The following NALF1 variants were observed in gnomAD, a reference collection of about 807,000 sequenced individuals.
The protein encoded by NALF1 is family with sequence similarity 155 member A.
In NALF1, 3 loss-of-function variants were observed where a neutral mutation model predicts 48.4. The observed-to-expected ratio is 0.06, with a 90% confidence interval of 0.03 to 0.16. The LOEUF (loss-of-function observed/expected upper bound fraction) is 0.16, where lower values mean the gene tolerates loss of function less well. Ranked by LOEUF, NALF1 falls within the 10% of genes least tolerant of loss-of-function variation. The pLI is 1.00. For synonymous variants in NALF1, 262 were observed against 245.7 expected (o/e 1.07, Z -0.62); for missense variants, 526 against 571.5 (o/e 0.92, Z 0.81).
intron 1 of NALF1, among the ~76,000 whole-genome samples, chr13:107,739,198 T>C (rs941111345): frequency 3.3e-5 from 5 of 151,774 alleles, no homozygotes; most frequent in Non-Finnish European, 5.9e-5. Context: ...TCGAGACAAA[T>C]ATCTAAGGTA....
intron 1 of NALF1, among the ~76,000 whole-genome samples, chr13:107,484,180 A>G (rs1344992270): frequency 6.6e-6 from 1 of 152,088 alleles, no homozygotes; most frequent in African/African-American, 2.4e-5. Flanking sequence ...TGGTAATTGA[A>G]ATAAATAAAA....
intron 1 of NALF1, among the ~76,000 whole-genome samples, chr13:107,605,816 A>T (rs1879051456): frequency 6.6e-6 from 1 of 152,228 alleles, no homozygotes; most frequent in Non-Finnish European, 1.5e-5. Context: ...TTAGTTGAAG[A>T]AAACATTTGT....
intron 2 of NALF1, among the ~76,000 whole-genome samples, chr13:107,181,801 A>G (rs1054476921): frequency 7.9e-5 from 12 of 152,094 alleles, no homozygotes; most frequent in African/African-American, 2.9e-4. Flanking sequence ...TTCACTAGAC[A>G]TTCATCACTA....
chr13:107,647,774 C>T (rs914649146), intron 1 of NALF1, among the ~76,000 whole-genome samples: 3 of 151,904 alleles, frequency 2.0e-5, no homozygotes, highest in African/African-American at 7.3e-5. Flanking sequence ...GTATAGTAAA[C>T]ATTACATAAT....
chr13:107,827,666 T>C (rs1021328545), intron 1 of NALF1, among the ~76,000 whole-genome samples: 2 of 152,338 alleles, frequency 1.3e-5, no homozygotes, highest in Non-Finnish European at 2.9e-5. Flanking sequence ...TTTATATTTG[T>C]TTGTTAATAT....
chr13:107,318,975 A>T (rs541413353), intron 1 of NALF1, among the ~76,000 whole-genome samples: 1 of 152,220 alleles, frequency 6.6e-6, no homozygotes, highest in South Asian at 2.1e-4. Context: ...TCTTACATAC[A>T]TGTTTCTACA....
chr13:107,325,899 C>CACACAA (rs1283005060), intron 1 of NALF1, among the ~76,000 whole-genome samples: 3 of 130,788 alleles, frequency 2.3e-5, no homozygotes, highest in Non-Finnish European at 5.0e-5. Flanking sequence ...CACACACACA[C>CACACAA]ACACACACAT....
intron 1 of NALF1, among the ~76,000 whole-genome samples, chr13:107,310,048 G>C (rs920591575): frequency 6.6e-6 from 1 of 152,066 alleles, no homozygotes; most frequent in African/African-American, 2.4e-5. Flanking sequence ...CAAATGTTGG[G>C]TTAGGTTTTA....
chr13:107,645,680 CAAAAAAAAA>C (rs56187783), intron 1 of NALF1, among the ~76,000 whole-genome samples: 26,805 of 132,582 alleles, frequency 0.2, 2,568 homozygotes, highest in East Asian at 0.36. Context: ...TACTGGGAGA[CAAAAAAAAA>C]AAAAAAAAAA....
intron 1 of NALF1, among the ~76,000 whole-genome samples, chr13:107,420,462 TTCTC>T (rs72220865): frequency 0.016 from 2,484 of 152,238 alleles, 29 homozygotes; most frequent in South Asian, 0.03. Flanking sequence ...AAGTCAGATT[TTCTC>T]TCTCTCTAAC....
chr13:107,643,394 C>T (rs1182252122), intron 1 of NALF1, among the ~76,000 whole-genome samples: 1 of 152,040 alleles, frequency 6.6e-6, no homozygotes, highest in Non-Finnish European at 1.5e-5. Context: ...ATAAACTCTT[C>T]CCATTCAAAA....
intron 1 of NALF1, among the ~76,000 whole-genome samples, chr13:107,648,569 T>G (rs1159106506): frequency 6.6e-6 from 1 of 152,168 alleles, no homozygotes; most frequent in Non-Finnish European, 1.5e-5. Flanking sequence ...CAAAAGTTTG[T>G]TTATTCATTC....
chr13:107,572,438 C>G (rs1878014848), intron 1 of NALF1, among the ~76,000 whole-genome samples: 1 of 152,146 alleles, frequency 6.6e-6, no homozygotes, highest in South Asian at 2.1e-4. Flanking sequence ...TCACTTGGCT[C>G]TCTTGATGTT....
At chr13:107,683,523 C>T (rs1017623279) in intron 1 of NALF1, among the ~76,000 whole-genome samples, 3 of 152,202 alleles carry the variant, frequency 2.0e-5, no homozygotes, top group Non-Finnish European at 4.4e-5. Flanking sequence ...CCAGAATTAA[C>T]CGAGCATTAG....
In NALF1 at chr13:107,665,372, C is replaced by T. The variant is rs78673599; in HGVS notation, c.915+200310G>A. On this transcript the variant is annotated intron_variant, in intron 1 of 2. Coordinates refer to ENST00000375915, the MANE Select transcript of NALF1 (RefSeq NM_001080396.3). ...ATAGACAACAGAAGACTTACATTGT[C>T]AGTATCATGATAGTTCTTACTCTTA... is the stretch of plus-strand genomic sequence containing the variant. Among the ~76,000 whole-genome samples, 2,801 of 152,212 alleles carry T rather than the reference C, an allele frequency of 0.018. 143 individuals are homozygous for T. In the East Asian group the frequency reaches 0.2, roughly 11 times the overall value.
At chr13:107,608,410 G>A (rs1053932422) in intron 1 of NALF1, among the ~76,000 whole-genome samples, 7 of 152,170 alleles carry the variant, frequency 4.6e-5, no homozygotes, top group Non-Finnish European at 8.8e-5. Flanking sequence ...AATGAACTGA[G>A]CCTACAGAGA....
intron 1 of NALF1, among the ~76,000 whole-genome samples, chr13:107,278,564 T>C (rs1232384024): frequency 2.0e-5 from 3 of 152,246 alleles, no homozygotes; most frequent in East Asian, 1.9e-4. Context: ...TTTTTCATAA[T>C]CTAGGAGCCT....
At chr13:107,644,123 T>G (rs1454893883) in intron 1 of NALF1, among the ~76,000 whole-genome samples, 1 of 150,350 alleles carries the variant, frequency 6.7e-6, no homozygotes, top group Non-Finnish European at 1.5e-5. Flanking sequence ...TTTATAAACC[T>G]AATACCATAA....
At chr13:107,736,550 G>A (rs992662510) in intron 1 of NALF1, among the ~76,000 whole-genome samples, 15 of 152,060 alleles carry the variant, frequency 9.9e-5, no homozygotes, top group Admixed American at 2.0e-4. Context: ...GTTAGTTCTC[G>A]AAAGAACTCC....
Sources: allele counts gnomAD v4.1 joint callset (sites outside exome capture counted in the v4.1 genomes callset), GRCh38; gene constraint gnomAD v4.1.1; transcripts MANE v1.5; gene names NCBI Gene and HGNC (gene_info 2026-07-23, HGNC 2026-07-21).